Variants in GARRE1 observed in about 807,000 individuals in gnomAD.
GARRE1 encodes the protein granule associated Rac and RHOG effector 1.
In GARRE1, 49 loss-of-function variants were observed where a neutral mutation model predicts 103.2. That is an observed-to-expected ratio of 0.47 (90% CI 0.38 to 0.60). The LOEUF is 0.60. Among genes scored for constraint, GARRE1 ranks in the 20% least tolerant of loss-of-function variants. The pLI, the probability that GARRE1 is intolerant of heterozygous loss-of-function variation, is 0.00. For synonymous variants in GARRE1, 505 were observed against 532.8 expected (o/e 0.95, Z 0.72); for missense variants, 1,199 against 1,370.5 (o/e 0.87, Z 1.98).
chr19:34,256,090 C>T (rs901434623), intron 1 of GARRE1, among the ~76,000 whole-genome samples: 19 of 151,912 alleles, frequency 1.3e-4, no homozygotes, highest in African/African-American at 4.1e-4. Flanking sequence ...CCGCCTGGCT[C>T]GGCGTTCCAA....
In GARRE1 at chr19:34,352,915, G is replaced by A. The variant is rs1414966842; in HGVS notation, c.3173G>A (p.Gly1058Glu). ...CCCAAGGGCTTCAAGGCCTTCCCTG[G>A]GAAGGGTGAGCGCAGGCCAGCCTAT... is the stretch of plus-strand genomic sequence containing the variant. ...AAPKGFKAFP[G>E]KGERRPAYLP... Residue 1058 changes from glycine (G) to glutamate (E), a missense_variant, in exon 14 of 14, where the codon GGG becomes GAG. Transcript: ENST00000299505. 2 of 1,576,820 alleles carry A rather than the reference G, an allele frequency of 1.3e-6. No individual in the cohort carries two copies. Among genetic ancestry groups the A allele is most frequent in the Admixed American group, 3.7e-5 (2 of 54,540 alleles).
chr19:34,287,184 T>C (rs1438996639), intron 1 of GARRE1, among the ~76,000 whole-genome samples: 1 of 151,852 alleles, frequency 6.6e-6, no homozygotes, highest in African/African-American at 2.4e-5. Context: ...TCCCAAAGAT[T>C]GATTCGTTAG....
At chr19:34,290,427 A>G (rs1184285181) in intron 1 of GARRE1, among the ~76,000 whole-genome samples, 2 of 152,136 alleles carry the variant, frequency 1.3e-5, no homozygotes, top group African/African-American at 2.4e-5. Context: ...AGCCTTGCCT[A>G]CCTGAAATGT....
chr19:34,293,364 T>C (rs2073928258), intron 1 of GARRE1, among the ~76,000 whole-genome samples: 1 of 151,670 alleles, frequency 6.6e-6, no homozygotes, highest in African/African-American at 2.4e-5. Context: ...TTTGATCCTC[T>C]CTCTCTTGAT....
intron 1 of GARRE1, among the ~76,000 whole-genome samples, chr19:34,275,040 G>A (rs2073808845): frequency 6.6e-6 from 1 of 152,136 alleles, no homozygotes; most frequent in South Asian, 2.1e-4. Context: ...AAATGGTTGG[G>A]CTTTGAACTT....
intron 2 of GARRE1, among the ~76,000 whole-genome samples, chr19:34,310,715 T>A (rs1181985886): frequency 1.3e-5 from 2 of 152,184 alleles, no homozygotes; most frequent in Admixed American, 1.3e-4. Flanking sequence ...ATAAATAGAC[T>A]GGCACTAGGT....
At chr19:34,275,628 G>A (rs2073812543) in intron 1 of GARRE1, among the ~76,000 whole-genome samples, 1 of 152,138 alleles carries the variant, frequency 6.6e-6, no homozygotes, top group East Asian at 1.9e-4. Flanking sequence ...TTTGTCAATT[G>A]ATAGACATTT....
chr19:34,292,414 T>C (rs1322709155), intron 1 of GARRE1, among the ~76,000 whole-genome samples: 1 of 152,262 alleles, frequency 6.6e-6, no homozygotes, highest in Non-Finnish European at 1.5e-5. Context: ...TTGACTATTA[T>C]GAATAATGCT....
At chr19:34,291,570 T>C (rs930554417) in intron 1 of GARRE1, among the ~76,000 whole-genome samples, 1 of 152,158 alleles carries the variant, frequency 6.6e-6, no homozygotes, top group Non-Finnish European at 1.5e-5. Flanking sequence ...ACAGGAGAGC[T>C]CAAGAGAGCA....
intron 1 of GARRE1, among the ~76,000 whole-genome samples, chr19:34,255,153 T>C (rs2073663715): frequency 6.8e-6 from 1 of 147,930 alleles, no homozygotes; most frequent in Non-Finnish European, 1.5e-5. Context: ...TTTCCGGCCC[T>C]GCGGAGCCAG....
chr19:34,264,451 TGCAGTG>T (rs1455544189), intron 1 of GARRE1, among the ~76,000 whole-genome samples: 1 of 151,998 alleles, frequency 6.6e-6, no homozygotes, highest in Admixed American at 6.6e-5. Context: ...CAGGCTAGAA[TGCAGTG>T]GCATGATCTC....
chr19:34,350,051 C>A (rs969366413), intron 12 of GARRE1, among the ~76,000 whole-genome samples: 2 of 152,092 alleles, frequency 1.3e-5, no homozygotes, highest in Non-Finnish European at 2.9e-5. Flanking sequence ...AGAGTTAGAC[C>A]CTGTCTCAAA....
intron 1 of GARRE1, among the ~76,000 whole-genome samples, chr19:34,271,399 C>T (rs1442833740): frequency 6.6e-6 from 1 of 151,982 alleles, no homozygotes; most frequent in Admixed American, 6.6e-5. Flanking sequence ...CAGGTGTGTG[C>T]CACCACACCC....
In GARRE1 at chr19:34,298,941, G is replaced by GGT. The variant is rs2073962481; in HGVS notation, c.-795-734_-795-733dup. 2.0e-5 allele frequency among the ~76,000 whole-genome samples: 3 copies of GGT among 152,152 alleles called. No individual in the cohort carries two copies. The South Asian group carries it at 6.2e-4, about 32-fold the overall frequency. On this transcript the variant is annotated intron_variant, in intron 1 of 13. Transcript: ENST00000299505. ...TCAGGGGTTCTAAGAAGCCACCCAAGGTGTGAAACTGGTATACCTTGCCAG... is the reference window on the plus strand; with the variant it reads ...TCAGGGGTTCTAAGAAGCCACCCAAGGTGTGTGAAACTGGTATACCTTGCCAG...
At position 34,341,844 on chromosome 19, in the gene GARRE1, G is replaced by A; in HGVS notation, c.1910G>A (p.Gly637Asp). The A allele has an allele frequency of 1.9e-6, 3 of 1,614,168 alleles. No homozygotes were observed. Among genetic ancestry groups the A allele is most frequent in the Non-Finnish European group, 2.5e-6 (3 of 1,180,034 alleles). Residue 637 changes from glycine (G) to aspartate (D), a missense_variant, in exon 10 of 14, where the codon GGT becomes GAT. Transcript: ENST00000299505. ...LHGDDGKDEKGMNLPTDQEMQ... is the reference protein window; with the variant it reads ...LHGDDGKDEKDMNLPTDQEMQ... ...GGAGATGACGGCAAGGATGAGAAGGGTATGAACTTACCAACTGATCAGGAA... is the reference window on the plus strand; with the variant it reads ...GGAGATGACGGCAAGGATGAGAAGGATATGAACTTACCAACTGATCAGGAA...
At position 34,300,858 on chromosome 19, in the gene GARRE1, A is replaced by G; in HGVS notation, c.385A>G (p.Ser129Gly). ...GCAGGAGCATGTCATGGAAGCAGCC[A>G]GTCGGCTGACCTCGGCCATAAAGCC... Reference protein sequence around the residue: ...DVQEHVMEAASRLTSAIKPEI... With the variant: ...DVQEHVMEAAGRLTSAIKPEI... The change falls in exon 2 of 14, where the codon AGT (serine) becomes GGT (glycine). Residue 129 changes from serine to glycine, a missense_variant. Ser to Gly is a moderately conservative substitution (Grantham distance 56, BLOSUM62 0). Coordinates refer to ENST00000299505, the MANE Select transcript of GARRE1 (RefSeq NM_014686.5). 6.2e-7 allele frequency: 1 copy of G among 1,613,880 alleles called. No individual in the cohort carries two copies.
intron 2 of GARRE1, among the ~76,000 whole-genome samples, chr19:34,311,491 AGT>A (rs201740056): frequency 0.014 from 2,132 of 152,296 alleles, 23 homozygotes; most frequent in Non-Finnish European, 0.022. Flanking sequence ...GCCTCGCATG[AGT>A]GTGCCGAGCA....
chr19:34,319,214 A>C (rs948338215), intron 2 of GARRE1, among the ~76,000 whole-genome samples: 4 of 152,168 alleles, frequency 2.6e-5, no homozygotes, highest in Admixed American at 1.3e-4. Flanking sequence ...TTATAATTAC[A>C]TATTCATGTG....
chr19:34,291,323 C>T (rs2073916801), intron 1 of GARRE1, among the ~76,000 whole-genome samples: 1 of 152,162 alleles, frequency 6.6e-6, no homozygotes, highest in African/African-American at 2.4e-5. Context: ...AAGTCTGGCA[C>T]TAAAGTCATC....
Sources: gnomAD v4.1 joint callset for allele counts (sites outside exome capture counted in the v4.1 genomes callset) on GRCh38, gnomAD v4.1.1 for gene constraint, MANE v1.5 for transcripts, NCBI Gene and HGNC (gene_info 2026-07-23, HGNC 2026-07-21) for gene names.